HSF2BP: variants seen among roughly 807,000 people sequenced by gnomAD.
The protein encoded by HSF2BP is heat shock factor 2-binding protein.
In HSF2BP, 35 loss-of-function variants were observed where a neutral mutation model predicts 35.0. The observed-to-expected ratio is 1.00, with a 90% CI of 0.76 to 1.32. HSF2BP has a LOEUF of 1.32. Among genes scored for constraint, HSF2BP ranks in the 40% most tolerant of loss-of-function variants. HSF2BP has a pLI of 0.00. For synonymous variants in HSF2BP, 114 were observed against 117.4 expected (o/e 0.97, Z 0.18); for missense variants, 326 against 321.7 (o/e 1.01, Z -0.10).
At chr21:43,652,560 ATTCTT>A (rs1306891903) in intron 3 of HSF2BP, among the ~76,000 whole-genome samples, 3 of 152,164 alleles carry the variant, frequency 2.0e-5, no homozygotes, top group Non-Finnish European at 4.4e-5. Flanking sequence ...GTAGAGCTCT[ATTCTT>A]AGAGTCATGT....
chr21:43,624,152 G>A (rs2082362831), intron 6 of HSF2BP, among the ~76,000 whole-genome samples: 1 of 152,156 alleles, frequency 6.6e-6, no homozygotes, highest in African/African-American at 2.4e-5. Flanking sequence ...CAGAAAAACT[G>A]AAACATACAT....
chr21:43,644,191 A>T, intron 4 of HSF2BP, 98 bp downstream of exon 4: 1 of 783,982 alleles, frequency 1.3e-6, no homozygotes, highest in Non-Finnish European at 2.2e-6. Context: ...ATTGAGGATT[A>T]AGAGTAAAAA....
intron 7 of HSF2BP, among the ~76,000 whole-genome samples, chr21:43,602,617 G>A (rs1201380294): frequency 6.6e-6 from 1 of 152,186 alleles, no homozygotes. Flanking sequence ...CAAACTCCAA[G>A]AGGCATTTCT....
chr21:43,647,079 A>G (rs900546214), intron 3 of HSF2BP, among the ~76,000 whole-genome samples: 14 of 152,234 alleles, frequency 9.2e-5, no homozygotes, highest in African/African-American at 3.4e-4. Flanking sequence ...TTGAACCAAG[A>G]AAAACACATG....
At chr21:43,604,503 TACACACACTATACACACCCCAC>T (rs2082097954) in intron 7 of HSF2BP, among the ~76,000 whole-genome samples, 1 of 49,164 alleles carries the variant, frequency 2.0e-5, no homozygotes, top group South Asian at 6.9e-4. Context: ...CACCACACAC[TACACACACTATACACACCCCAC>T]ACACACACCA....
intron 8 of HSF2BP, among the ~76,000 whole-genome samples, chr21:43,591,653 A>G (rs1268771817): frequency 6.6e-6 from 1 of 152,260 alleles, no homozygotes; most frequent in South Asian, 2.1e-4. Flanking sequence ...GGTATACAGT[A>G]GGCCCCTCTT....
chr21:43,604,197 T>TAC (rs2082085408), intron 7 of HSF2BP, among the ~76,000 whole-genome samples: 4 of 151,042 alleles, frequency 2.6e-5, no homozygotes, highest in South Asian at 2.1e-4. Flanking sequence ...GCAGGAGGAT[T>TAC]ACACACACAC....
At chr21:43,602,938 C>T (rs1374198180) in intron 7 of HSF2BP, among the ~76,000 whole-genome samples, 2 of 152,150 alleles carry the variant, frequency 1.3e-5, no homozygotes, top group Non-Finnish European at 2.9e-5. Context: ...ACACCTCCAG[C>T]AGGTCTGACC....
chr21:43,467,915 C>T, the HSF2BP span, among the ~76,000 whole-genome samples: 3 of 97,740 alleles, frequency 3.1e-5, no homozygotes, highest in Admixed American at 1.0e-4. Flanking sequence ...GCACCACACA[C>T]CACACACACC....
chr21:43,635,213 AAG>A (rs1450767972), intron 4 of HSF2BP, among the ~76,000 whole-genome samples: 1 of 152,230 alleles, frequency 6.6e-6, no homozygotes, highest in African/African-American at 2.4e-5. Context: ...GAGCTAAATA[AAG>A]AGATACACCA....
At chr21:43,657,173 C>A (rs1443585740) in intron 2 of HSF2BP, among the ~76,000 whole-genome samples, 2 of 152,156 alleles carry the variant, frequency 1.3e-5, no homozygotes, top group Non-Finnish European at 2.9e-5. Context: ...GAGTTCAAGA[C>A]CAGCCTGACC....
intron 8 of HSF2BP, among the ~76,000 whole-genome samples, chr21:43,581,961 A>G (rs2081745814): frequency 8.8e-6 from 1 of 113,906 alleles, no homozygotes; most frequent in Non-Finnish European, 1.7e-5. Flanking sequence ...GCTGTGGGAG[A>G]TGAGGGCCTG....
intron 4 of HSF2BP, among the ~76,000 whole-genome samples, chr21:43,642,251 C>A (rs979536551): frequency 2.0e-5 from 3 of 152,088 alleles, no homozygotes; most frequent in African/African-American, 4.8e-5. Flanking sequence ...GTAGTCCCAG[C>A]CACTCTGGAG....
At chr21:43,654,354 T>C (rs2082836756) in intron 3 of HSF2BP, among the ~76,000 whole-genome samples, 1 of 152,230 alleles carries the variant, frequency 6.6e-6, no homozygotes, top group African/African-American at 2.4e-5. Flanking sequence ...AAGGGATTTC[T>C]AGAACAATGT....
At chr21:43,604,215 C>T (rs924361429) in intron 7 of HSF2BP, among the ~76,000 whole-genome samples, 35 of 145,520 alleles carry the variant, frequency 2.4e-4, no homozygotes, top group Non-Finnish European at 2.4e-4. Flanking sequence ...CACACCACAG[C>T]ACACAGCACA....
intron 7 of HSF2BP, among the ~76,000 whole-genome samples, chr21:43,610,331 G>A (rs546046944): frequency 2.0e-5 from 3 of 151,982 alleles, no homozygotes; most frequent in South Asian, 4.2e-4. Context: ...GGCTCACGCT[G>A]TAATCCCAAC....
rs547623584 is a variant in HSF2BP at position 43,601,252 on chromosome 21, G to A, written c.693-8924C>T. 3.3e-4 allele frequency among the ~76,000 whole-genome samples: 51 copies of A among 152,262 alleles called. No homozygotes were observed. In the South Asian group the frequency reaches 0.01, roughly 31 times the overall value. On this transcript the variant is annotated intron_variant, in intron 7 of 8. Coordinates refer to ENST00000291560, the MANE Select transcript of HSF2BP (RefSeq NM_007031.2). ...CGTACCCTCCAGCAGCACATGGACA[G>A]GTGTAAGCTTCACTGTGGCTTCACG...
chr21:43,584,997 T>G (rs911785341), intron 8 of HSF2BP, among the ~76,000 whole-genome samples: 2 of 151,664 alleles, frequency 1.3e-5, no homozygotes, highest in Non-Finnish European at 2.9e-5. Context: ...TTTATTTAAT[T>G]ATTTATTTAT....
chr21:43,578,940 G>A (rs545616165), intron 8 of HSF2BP, among the ~76,000 whole-genome samples: 2 of 152,334 alleles, frequency 1.3e-5, no homozygotes, highest in South Asian at 4.1e-4. Flanking sequence ...ACCGCCTCTG[G>A]GATGTCAGGA....
Sources: gnomAD v4.1 joint callset for allele counts (sites outside exome capture counted in the v4.1 genomes callset) on GRCh38, gnomAD v4.1.1 for gene constraint, MANE v1.5 for transcripts, NCBI Gene and HGNC (gene_info 2026-07-23, HGNC 2026-07-21) for gene names.